The following GALNT11 variants were observed in gnomAD, a reference collection of about 807,000 sequenced individuals.
GALNT11 encodes the protein UDP-GalNAc:polypeptide N-acetylgalactosaminyltransferase 11.
A neutral mutation model predicts 72.7 loss-of-function variants in GALNT11; 47 were observed. The observed-to-expected ratio is 0.65, with a 90% CI of 0.51 to 0.82. The LOEUF (loss-of-function observed/expected upper bound fraction) is 0.82, where lower values mean the gene tolerates loss of function less well. GALNT11 is among the 40% of genes least tolerant of loss of function. The pLI is 0.00. For synonymous variants in GALNT11, 270 were observed against 286.6 expected (o/e 0.94, Z 0.58); for missense variants, 677 against 778.4 (o/e 0.87, Z 1.55).
At chr7:152,054,188 T>G (rs537483897) in intron 1 of GALNT11, among the ~76,000 whole-genome samples, 144 of 152,242 alleles carry the variant, frequency 9.5e-4, no homozygotes, top group African/African-American at 3.3e-3. Context: ...ATAGCTTTAA[T>G]TGATTTTTAA....
intron 1 of GALNT11, among the ~76,000 whole-genome samples, chr7:152,045,135 C>A (rs2083057091): frequency 1.3e-5 from 2 of 152,058 alleles, no homozygotes; most frequent in Non-Finnish European, 2.9e-5. Flanking sequence ...GGATAAATCC[C>A]ACTTAGTCAT....
intron 1 of GALNT11, among the ~76,000 whole-genome samples, chr7:152,038,614 C>T (rs2082700871): frequency 6.6e-6 from 1 of 152,222 alleles, no homozygotes; most frequent in Non-Finnish European, 1.5e-5. Context: ...CTGTTCCCAA[C>T]ATGTCCCCCT....
chr7:152,099,530 GTTTTTTTTTTTTT>G (rs1009548038), intron 2 of GALNT11, among the ~76,000 whole-genome samples: 28 of 57,790 alleles, frequency 4.8e-4, no homozygotes, highest in African/African-American at 1.9e-3. Flanking sequence ...CTCCCGCCTA[GTTTTTTTTTTTTT>G]TTTTTTTTTT....
At chr7:152,043,227 T>C (rs1299342804) in intron 1 of GALNT11, among the ~76,000 whole-genome samples, 1 of 152,342 alleles carries the variant, frequency 6.6e-6, no homozygotes, top group African/African-American at 2.4e-5. Flanking sequence ...CTGTTTGTAC[T>C]TGTACCGCTT....
chr7:152,115,582 T>G (rs2088758005), intron 8 of GALNT11, among the ~76,000 whole-genome samples: 1 of 152,226 alleles, frequency 6.6e-6, no homozygotes, highest in Non-Finnish European at 1.5e-5. Flanking sequence ...ACTCTTTTTA[T>G]ATGTTAAGAC....
intron 1 of GALNT11, among the ~76,000 whole-genome samples, chr7:152,032,846 T>C (rs1367931660): frequency 6.6e-6 from 1 of 152,192 alleles, no homozygotes; most frequent in Non-Finnish European, 1.5e-5. Flanking sequence ...TGTGGGACTT[T>C]CAGGCGTGAC....
chr7:152,103,621 G>A (rs1394306662), intron 4 of GALNT11: 3 of 237,058 alleles, frequency 1.3e-5, no homozygotes, highest in South Asian at 1.3e-4. Flanking sequence ...TCAGAACCAG[G>A]AATCCACATT....
chr7:152,057,550 AC>A (rs994313237), intron 1 of GALNT11, among the ~76,000 whole-genome samples: 2 of 151,234 alleles, frequency 1.3e-5, no homozygotes, highest in Non-Finnish European at 3.0e-5. Flanking sequence ...CAAATGACCC[AC>A]CCGCCTCAGC....
At chr7:152,037,615 A>G (rs892880764) in intron 1 of GALNT11, among the ~76,000 whole-genome samples, 2 of 150,610 alleles carry the variant, frequency 1.3e-5, no homozygotes, top group Admixed American at 6.6e-5. Context: ...TTTTTTTTCT[A>G]TTTCTGTGAA....
At chr7:152,073,276 C>G (rs1259647422) in intron 1 of GALNT11, among the ~76,000 whole-genome samples, 1 of 152,168 alleles carries the variant, frequency 6.6e-6, no homozygotes, top group East Asian at 1.9e-4. Flanking sequence ...AATTTTGTAA[C>G]CTTTAACAAA....
At chr7:152,055,258 A>G (rs905148093) in intron 1 of GALNT11, among the ~76,000 whole-genome samples, 5 of 152,206 alleles carry the variant, frequency 3.3e-5, no homozygotes, top group Non-Finnish European at 5.9e-5. Flanking sequence ...TTAGGAAAAC[A>G]CAATTCATCC....
chr7:152,091,388 G>A (rs1051868892), intron 1 of GALNT11, among the ~76,000 whole-genome samples: 21 of 151,988 alleles, frequency 1.4e-4, no homozygotes, highest in Non-Finnish European at 8.8e-5. Flanking sequence ...TTACAGGTGT[G>A]CGCCGCCACG....
chr7:152,093,394 A>G (rs2086169794), intron 1 of GALNT11, among the ~76,000 whole-genome samples: 1 of 151,612 alleles, frequency 6.6e-6, no homozygotes, highest in Non-Finnish European at 1.5e-5. Context: ...CTTTGATTGG[A>G]AAGTAGAATT....
intron 1 of GALNT11, among the ~76,000 whole-genome samples, chr7:152,046,493 C>T (rs953848403): frequency 2.0e-5 from 3 of 151,886 alleles, no homozygotes; most frequent in Non-Finnish European, 2.9e-5. Context: ...GTATTGGGTG[C>T]GTATATATTC....
chr7:152,099,258 A>G lies in GALNT11; in HGVS notation c.296-1540A>G, dbSNP rs183563805. 3.3e-5 allele frequency among the ~76,000 whole-genome samples: 5 copies of G among 152,092 alleles called. No individual in the cohort carries two copies. The East Asian group carries it at 7.7e-4, about 24-fold the overall frequency. Reference sequence around the variant, plus strand: ...CGCCCGGCTGGAAACACTGCATTCTATATCTCAACCCTTTACACCTGGATA... The same window carrying G: ...CGCCCGGCTGGAAACACTGCATTCTGTATCTCAACCCTTTACACCTGGATA... On this transcript the variant is annotated intron_variant, in intron 2 of 11. Coordinates refer to ENST00000430044, the MANE Select transcript of GALNT11 (RefSeq NM_022087.4).
chr7:152,082,637 A>G (rs2085386571), intron 1 of GALNT11, among the ~76,000 whole-genome samples: 1 of 152,268 alleles, frequency 6.6e-6, no homozygotes, highest in Non-Finnish European at 1.5e-5. Flanking sequence ...TTTCTTTATT[A>G]TGGCTAGCAG....
In GALNT11 at chr7:152,108,260, G is replaced by A. The variant is rs535012637; in HGVS notation, c.935G>A (p.Arg312Gln). Residue 312 changes from arginine (R) to glutamine (Q), a missense_variant, in exon 6 of 12, where the codon CGA becomes CAA. Arg to Gln is a conservative substitution (Grantham distance 43). Coordinates refer to ENST00000430044, the MANE Select transcript of GALNT11 (RefSeq NM_022087.4). ...CTTGTCCCCCTTTCTGAGCTAGGACGAGCGGAGGGAGCCACTGCACCAATA... is the reference window on the plus strand; with the variant it reads ...CTTGTCCCCCTTTCTGAGCTAGGACAAGCGGAGGGAGCCACTGCACCAATA... ...WDLVPLSELG[R>Q]AEGATAPIKS... The A allele has an allele frequency of 1.3e-5, 21 of 1,612,678 alleles. No individual in the cohort carries two copies. The highest frequency in any genetic ancestry group is 6.7e-5 in the Admixed American group (4 of 60,004).
At chr7:152,117,605 T>A (rs1563084212) in intron 9 of GALNT11, 2 of 567,256 alleles carry the variant, frequency 3.5e-6, no homozygotes, top group African/African-American at 3.8e-5. Flanking sequence ...GGGTAAGTTA[T>A]GTGACGCTTT....
chr7:152,119,965 G>GT (rs2089273188), intron 10 of GALNT11: 1 of 152,228 alleles, frequency 6.6e-6, no homozygotes, highest in Non-Finnish European at 1.5e-5. Flanking sequence ...AGTTTCAGTG[G>GT]TGTAGGTCAC....
Sources: allele counts gnomAD v4.1 joint callset (sites outside exome capture counted in the v4.1 genomes callset), GRCh38; gene constraint gnomAD v4.1.1; transcripts MANE v1.5; gene names NCBI Gene and HGNC (gene_info 2026-07-23, HGNC 2026-07-21).